The following SLC24A2 variants were observed in gnomAD, a reference collection of about 807,000 sequenced individuals.
SLC24A2 encodes the protein sodium/potassium/calcium exchanger 2.
Under a neutral mutation model 62.0 loss-of-function variants are expected in SLC24A2, and 36 were observed. The observed-to-expected ratio is 0.58, with a 90% CI of 0.44 to 0.77. The LOEUF is 0.77. SLC24A2 is among the 30% of genes least tolerant of loss of function. SLC24A2 has a pLI of 0.00. For missense variants in SLC24A2, 846 were observed against 817.9 expected, an observed-to-expected ratio of 1.03 and a Z score of -0.42; for synonymous variants, 358 against 294.0, an observed-to-expected ratio of 1.22 and a Z score of -2.23.
intron 9 of SLC24A2, among the ~76,000 whole-genome samples, chr9:19,526,448 C>G (rs941773052): frequency 6.6e-6 from 1 of 152,146 alleles, no homozygotes; most frequent in Non-Finnish European, 1.5e-5. Context: ...AGTGGCTGCA[C>G]TGTTTTACAT....
the SLC24A2 span, among the ~76,000 whole-genome samples, chr9:20,027,514 G>A: frequency 2.0e-5 from 3 of 152,248 alleles, no homozygotes; most frequent in Admixed American, 6.5e-5. Flanking sequence ...ATTGATGAAC[G>A]TAGAGGACAT....
At chr9:19,864,392 A>T in the SLC24A2 span, among the ~76,000 whole-genome samples, 2 of 152,004 alleles carry the variant, frequency 1.3e-5, no homozygotes, top group African/African-American at 2.4e-5. Flanking sequence ...AACAAAAAAC[A>T]AAAAACAAAC....
the SLC24A2 span, among the ~76,000 whole-genome samples, chr9:20,064,326 G>A: frequency 6.6e-6 from 1 of 152,120 alleles, no homozygotes. Context: ...TGTGTGAGTG[G>A]GTATTCATTG....
chr9:19,923,835 C>A, the SLC24A2 span, among the ~76,000 whole-genome samples: 1 of 152,140 alleles, frequency 6.6e-6, no homozygotes, highest in Admixed American at 6.5e-5. Flanking sequence ...GCAATCTCCG[C>A]CTCCCAGGTT....
At chr9:19,528,404 T>G (rs1833535317) in intron 8 of SLC24A2, among the ~76,000 whole-genome samples, 1 of 152,224 alleles carries the variant, frequency 6.6e-6, no homozygotes, top group Non-Finnish European at 1.5e-5. Flanking sequence ...TAGTTCCTGC[T>G]ATTAGATGTT....
rs564005757 is a variant in SLC24A2 at position 19,533,835 on chromosome 9, T to C, written c.1480-5697A>G. Among the ~76,000 whole-genome samples the C allele has an allele frequency of 1.2e-3, 182 of 152,286 alleles. 1 individual carries two copies. The highest frequency in any genetic ancestry group is 4.1e-3 in the African/African-American group (171 of 41,562). ...GATACAAGGTCAAATCTAACAAAAA[T>C]CTTCTAACTAAGCATGATCACTTAC... On this transcript the variant is annotated intron_variant, in intron 8 of 10. Coordinates refer to ENST00000341998, the MANE Select transcript of SLC24A2 (RefSeq NM_020344.4).
intron 8 of SLC24A2, among the ~76,000 whole-genome samples, chr9:19,530,590 G>C (rs1833657205): frequency 6.6e-6 from 1 of 152,130 alleles, no homozygotes; most frequent in African/African-American, 2.4e-5. Context: ...CTGAGCTACA[G>C]AAAATTCCTA....
chr9:19,605,919 G>C (rs747347963), intron 4 of SLC24A2, among the ~76,000 whole-genome samples: 6 of 152,218 alleles, frequency 3.9e-5, no homozygotes, highest in Non-Finnish European at 8.8e-5. Flanking sequence ...AACCAAGGTG[G>C]CTGGCTCCTC....
chr9:20,229,658 T>G, the SLC24A2 span, among the ~76,000 whole-genome samples: 2 of 152,200 alleles, frequency 1.3e-5, no homozygotes, highest in African/African-American at 4.8e-5. Context: ...ATTATACTAT[T>G]ACTTTTGCAT....
At chr9:19,639,332 TAA>T (rs950855541) in intron 2 of SLC24A2, among the ~76,000 whole-genome samples, 4 of 152,222 alleles carry the variant, frequency 2.6e-5, no homozygotes, top group African/African-American at 9.6e-5. Context: ...TATCAGTAGG[TAA>T]AGTTTGTTTT....
the SLC24A2 span, among the ~76,000 whole-genome samples, chr9:19,802,125 C>T: frequency 6.6e-6 from 1 of 152,196 alleles, no homozygotes; most frequent in Non-Finnish European, 1.5e-5. Flanking sequence ...GATGTCTCAA[C>T]AACCCCTGAT....
chr9:19,722,816 G>T (rs1156392872), intron 2 of SLC24A2, among the ~76,000 whole-genome samples: 1 of 152,070 alleles, frequency 6.6e-6, no homozygotes, highest in Non-Finnish European at 1.5e-5. Context: ...GTTGACTTTG[G>T]CTGGGAAGGA....
the SLC24A2 span, among the ~76,000 whole-genome samples, chr9:20,184,421 C>A: frequency 6.6e-6 from 1 of 151,922 alleles, no homozygotes; most frequent in Non-Finnish European, 1.5e-5. Context: ...TGCTGGTGGG[C>A]CCCTGTAATC....
the SLC24A2 span, among the ~76,000 whole-genome samples, chr9:20,153,414 T>G: frequency 5.9e-5 from 9 of 151,900 alleles, no homozygotes; most frequent in Admixed American, 4.6e-4. Context: ...AACACCTGCT[T>G]TGAAGTCAAG....
At chr9:19,888,818 A>G in the SLC24A2 span, among the ~76,000 whole-genome samples, 1 of 152,192 alleles carries the variant, frequency 6.6e-6, no homozygotes, top group Non-Finnish European at 1.5e-5. Flanking sequence ...ATGCCCTTTC[A>G]CATGAAGGGT....
In SLC24A2 at chr9:19,568,238, G is replaced by A. The variant is rs147728973; in HGVS notation, c.1347+5113C>T. ...TCACATTTTCCTACTGACTCTGGAGGCCCAGCCCTAATTCACCCCATCACC... is the reference window on the plus strand; with the variant it reads ...TCACATTTTCCTACTGACTCTGGAGACCCAGCCCTAATTCACCCCATCACC... On this transcript the variant is annotated intron_variant, in intron 7 of 10. Transcript: ENST00000341998. 9.0e-4 allele frequency among the ~76,000 whole-genome samples: 137 copies of A among 152,268 alleles called. 1 individual carries two copies. The highest frequency in any genetic ancestry group is 1.8e-3 in the Admixed American group (27 of 15,296).
chr9:20,044,174 CT>C, the SLC24A2 span, among the ~76,000 whole-genome samples: 1 of 151,888 alleles, frequency 6.6e-6, no homozygotes, highest in African/African-American at 2.4e-5. Context: ...ACAATGCAAA[CT>C]TTTTATACAT....
At chr9:19,643,233 T>A (rs1002664224) in intron 2 of SLC24A2, among the ~76,000 whole-genome samples, 1 of 152,136 alleles carries the variant, frequency 6.6e-6, no homozygotes, top group Non-Finnish European at 1.5e-5. Context: ...TTTACTAAAC[T>A]CATTATCTAT....
the SLC24A2 span, among the ~76,000 whole-genome samples, chr9:20,098,490 G>C: frequency 1.3e-5 from 2 of 152,032 alleles, no homozygotes; most frequent in African/African-American, 2.4e-5. Flanking sequence ...TTACCCTCTA[G>C]GCCCAAACCA....
Sources: allele counts gnomAD v4.1 joint callset (sites outside exome capture counted in the v4.1 genomes callset), GRCh38; gene constraint gnomAD v4.1.1; transcripts MANE v1.5; gene names NCBI Gene and HGNC (gene_info 2026-07-23, HGNC 2026-07-21).